RASSF3: variants seen among roughly 807,000 people sequenced by gnomAD.
RASSF3 encodes Ras association domain family member 3.
Under a neutral mutation model 19.9 loss-of-function variants are expected in RASSF3, and 19 were observed. The observed-to-expected ratio is 0.96, with a 90% CI of 0.67 to 1.40. RASSF3 has a LOEUF of 1.40. Ranked by LOEUF, RASSF3 falls within the 40% of genes most tolerant of loss-of-function variation. The pLI is 0.00. For synonymous variants in RASSF3, 110 were observed against 104.2 expected (o/e 1.06, Z -0.34); for missense variants, 306 against 289.8 (o/e 1.06, Z -0.41).
intron 2 of RASSF3, among the ~76,000 whole-genome samples, chr12:64,553,976 CAAAAAAAAAAA>C (rs1021865573): frequency 1.2e-5 from 1 of 83,492 alleles, no homozygotes; most frequent in Non-Finnish European, 2.6e-5. Flanking sequence ...GATCCTGTCT[CAAAAAAAAAAA>C]AAAAAAGAAA....
intron 1 of RASSF3, among the ~76,000 whole-genome samples, chr12:64,644,258 T>G (rs541237871): frequency 6.6e-6 from 1 of 152,064 alleles, no homozygotes; most frequent in African/African-American, 2.4e-5. Flanking sequence ...CTGAAATATA[T>G]AGAGAGGGAA....
At chr12:64,659,811 G>A (rs1872279796) in intron 1 of RASSF3, among the ~76,000 whole-genome samples, 1 of 152,074 alleles carries the variant, frequency 6.6e-6, no homozygotes, top group African/African-American at 2.4e-5. Context: ...AGCTGGATGT[G>A]GTGGTGCATG....
chr12:64,544,075 T>G (rs1457961461), downstream of RASSF3, among the ~76,000 whole-genome samples: 1 of 152,092 alleles, frequency 6.6e-6, no homozygotes, highest in African/African-American at 2.4e-5. Flanking sequence ...CCTTGGCACC[T>G]CGGTGGGGGT....
In RASSF3 at chr12:64,640,679, G is replaced by A. The variant is rs137913321; in HGVS notation, c.111+29936G>A. ...ATTTTTTGAGACAGGGTCTCACTCT[G>A]TTACCCATGCTGGAGTGCAGTGGTG... On this transcript the variant is annotated intron_variant, in intron 1 of 4. Coordinates refer to ENST00000542104, the MANE Select transcript of RASSF3 (RefSeq NM_178169.4). 4.3e-3 allele frequency among the ~76,000 whole-genome samples: 658 copies of A among 152,176 alleles called. 6 individuals carry two copies. The highest frequency in any genetic ancestry group is 0.015 in the African/African-American group (637 of 41,502).
chr12:64,688,498 C>A, intron 3 of RASSF3, 45 bp downstream of exon 3: 1 of 1,347,848 alleles, frequency 7.4e-7, no homozygotes, highest in Middle Eastern at 2.0e-4. Context: ...CTTCTACTTG[C>A]ATCTGCTGTT....
At chr12:64,613,442 T>C (rs1046747213) in intron 1 of RASSF3, among the ~76,000 whole-genome samples, 3 of 151,992 alleles carry the variant, frequency 2.0e-5, no homozygotes, top group Non-Finnish European at 2.9e-5. Flanking sequence ...AACAAGATGT[T>C]TGTGGTAAAT....
chr12:64,541,768 T>C (rs754247196), downstream of RASSF3: 2 of 397,926 alleles, frequency 5.0e-6, no homozygotes, highest in South Asian at 1.3e-4. Flanking sequence ...TCATACCCCA[T>C]AGAATGGTCT....
chr12:64,650,649 T>C (rs1010697174), intron 1 of RASSF3, among the ~76,000 whole-genome samples: 2 of 152,022 alleles, frequency 1.3e-5, no homozygotes, highest in Non-Finnish European at 2.9e-5. Context: ...ACTCCTGACC[T>C]TGTGATCTGC....
intron 2 of RASSF3, among the ~76,000 whole-genome samples, chr12:64,561,715 C>CTTTTTTT (rs4046189): frequency 1.4e-4 from 18 of 127,610 alleles, no homozygotes; most frequent in South Asian, 2.5e-4. Context: ...TAGCATTTAT[C>CTTTTTTT]TTTTTTTTTT....
chr12:64,615,136 T>A (rs1350736155), intron 1 of RASSF3, among the ~76,000 whole-genome samples: 1 of 152,224 alleles, frequency 6.6e-6, no homozygotes, highest in Non-Finnish European at 1.5e-5. Flanking sequence ...AAACCAAAAA[T>A]GTGGACAGTT....
In RASSF3 at chr12:64,693,353, G is replaced by A. The variant is rs755008378; in HGVS notation, c.568-1410G>A. On this transcript the variant is annotated intron_variant, in intron 4 of 4. Transcript: ENST00000542104. ...GGAGGATGTGTTTGGAAAAAACCTCGTAGATGATGCTAGATACCCTCCTTG... is the reference window on the plus strand; with the variant it reads ...GGAGGATGTGTTTGGAAAAAACCTCATAGATGATGCTAGATACCCTCCTTG... 2.4e-4 allele frequency among the ~76,000 whole-genome samples: 36 copies of A among 151,874 alleles called. No homozygotes were observed. The Middle Eastern group carries it at 0.01, about 43-fold the overall frequency.
At chr12:64,683,377 A>G (rs536698434) in intron 1 of RASSF3, among the ~76,000 whole-genome samples, 2 of 152,326 alleles carry the variant, frequency 1.3e-5, no homozygotes, top group South Asian at 4.1e-4. Flanking sequence ...GCATAATGTC[A>G]TGCACTGGTG....
rs569223779 is a variant in RASSF3, at chr12:64,559,534, G to T, written c.294+17829G>T. 3.1e-3 allele frequency among the ~76,000 whole-genome samples: 475 copies of T among 152,254 alleles called. 5 individuals are homozygous for T. Among genetic ancestry groups the T allele is most frequent in the African/African-American group, 0.011 (460 of 41,550 alleles). ...TCTGCCCACCTCGGCCTCCCAAAGT[G>T]CTGGGATTACAGGTGTGAGCCACCG... On this transcript the variant is annotated intron_variant, in intron 2 of 5. Coordinates refer to the RASSF3 transcript ENST00000637125.
At chr12:64,537,033 G>C (rs1868842189) in intron 1 of RASSF3, among the ~76,000 whole-genome samples, 1 of 152,128 alleles carries the variant, frequency 6.6e-6, no homozygotes, top group African/African-American at 2.4e-5. Context: ...TCATCTTCTT[G>C]ACTTCTCTAC....
rs149415285 is a variant in RASSF3, at chr12:64,564,011, T to A, written c.294+22306T>A. On this transcript the variant is annotated intron_variant, in intron 2 of 5. Coordinates refer to the RASSF3 transcript ENST00000637125. ...CCACCCCAGCTGGGCATGGAGTGGG[T>A]TCTCAACAACGTGTGTGTTACATGA... 6.5e-3 allele frequency among the ~76,000 whole-genome samples: 995 copies of A among 152,300 alleles called. 9 individuals carry two copies. The highest frequency in any genetic ancestry group is 0.023 in the African/African-American group (939 of 41,568).
intron 1 of RASSF3, among the ~76,000 whole-genome samples, chr12:64,618,810 C>T (rs1408293542): frequency 1.3e-5 from 2 of 152,094 alleles, no homozygotes; most frequent in Non-Finnish European, 2.9e-5. Flanking sequence ...ACAGTAGTCA[C>T]TAGCTACATG....
chr12:64,670,055 G>A (rs1171196399), intron 1 of RASSF3, among the ~76,000 whole-genome samples: 1 of 151,286 alleles, frequency 6.6e-6, no homozygotes, highest in African/African-American at 2.4e-5. Flanking sequence ...GGATAGAGAA[G>A]CTTTTTTATT....
intron 1 of RASSF3, among the ~76,000 whole-genome samples, chr12:64,651,812 G>A (rs546288785): frequency 5.2e-4 from 79 of 152,030 alleles, no homozygotes; most frequent in African/African-American, 1.8e-3. Context: ...ACATGTGCAC[G>A]CCACCACACC....
intron 1 of RASSF3, among the ~76,000 whole-genome samples, chr12:64,657,924 A>C (rs1872216625): frequency 6.6e-6 from 1 of 152,102 alleles, no homozygotes; most frequent in Admixed American, 6.5e-5. Context: ...AACTTCAAAA[A>C]AAATTAGCCA....
Sources: allele counts gnomAD v4.1 joint callset (sites outside exome capture counted in the v4.1 genomes callset), GRCh38; gene constraint gnomAD v4.1.1; transcripts MANE v1.5; gene names NCBI Gene and HGNC (gene_info 2026-07-23, HGNC 2026-07-21).